PRKN: variants seen among roughly 807,000 people sequenced by gnomAD.
PRKN encodes the protein E3 ubiquitin-protein ligase parkin.
Under a neutral mutation model 59.5 loss-of-function variants are expected in PRKN, and 56 were observed. That is an observed-to-expected ratio of 0.94 (90% CI 0.76 to 1.18). The LOEUF (loss-of-function observed/expected upper bound fraction) is 1.18. Among genes scored for constraint, PRKN ranks in the 50% most tolerant of loss-of-function variants. The probability of loss-of-function intolerance (pLI) is 0.00; values close to 1 mark genes in which losing one functional copy is unlikely to be tolerated. For synonymous variants in PRKN, 250 were observed against 222.1 expected, an observed-to-expected ratio of 1.13 and a Z score of -1.12; for missense variants, 657 against 596.4, an observed-to-expected ratio of 1.10 and a Z score of -1.06.
At chr6:162,645,556 ATT>A (rs1314430855) in intron 1 of PRKN, among the ~76,000 whole-genome samples, 1 of 152,076 alleles carries the variant, frequency 6.6e-6, no homozygotes. Context: ...GATCCTATAA[ATT>A]TTTTGCTGGC....
chr6:162,566,792 G>GT (rs1780102103), intron 1 of PRKN, among the ~76,000 whole-genome samples: 1 of 152,082 alleles, frequency 6.6e-6, no homozygotes, highest in Non-Finnish European at 1.5e-5. Context: ...TACAAGGCCA[G>GT]TATTACTCTG....
chr6:161,826,599 C>T (rs931947489), intron 6 of PRKN, among the ~76,000 whole-genome samples: 11 of 152,184 alleles, frequency 7.2e-5, no homozygotes, highest in Admixed American at 2.0e-4. Flanking sequence ...CCATCTCAGA[C>T]GCAGGACAAG....
chr6:162,699,171 T>C (rs1053321071), intron 1 of PRKN, among the ~76,000 whole-genome samples: 1 of 152,208 alleles, frequency 6.6e-6, no homozygotes, highest in East Asian at 1.9e-4. Flanking sequence ...CAGATACATA[T>C]TGACTATTTG....
intron 6 of PRKN, among the ~76,000 whole-genome samples, chr6:161,826,006 C>T (rs977257174): frequency 1.3e-5 from 2 of 152,180 alleles, no homozygotes; most frequent in Non-Finnish European, 2.9e-5. Context: ...CCCGGGCTTC[C>T]ACCTTCCAAA....
chr6:161,398,049 T>A (rs1265355033), intron 9 of PRKN, among the ~76,000 whole-genome samples: 1 of 152,022 alleles, frequency 6.6e-6, no homozygotes, highest in Non-Finnish European at 1.5e-5. Flanking sequence ...CCAGAGAAAG[T>A]CGAGGCTAGG....
chr6:162,041,805 G>T (rs1053965555), intron 5 of PRKN, among the ~76,000 whole-genome samples: 1 of 152,180 alleles, frequency 6.6e-6, no homozygotes, highest in Non-Finnish European at 1.5e-5. Flanking sequence ...AGACTCCTAA[G>T]TATCTTCTGG....
At chr6:161,898,515 A>T (rs188738238) in intron 6 of PRKN, among the ~76,000 whole-genome samples, 71 of 152,278 alleles carry the variant, frequency 4.7e-4, no homozygotes, top group Middle Eastern at 3.4e-3. Context: ...AGGCACATAC[A>T]ATTTGTGCTC....
At chr6:162,045,228 A>C (rs1784207840) in intron 5 of PRKN, among the ~76,000 whole-genome samples, 1 of 152,208 alleles carries the variant, frequency 6.6e-6, no homozygotes, top group Non-Finnish European at 1.5e-5. Context: ...AATGTGTTAT[A>C]AAAGTTATCT....
rs1490976453 is a variant in PRKN at position 162,010,487 on chromosome 6, AAT to A, written c.619-37072_619-37071del. ...AATATATATTATATAATGTATTTAT[AAT>A]ATATATTATATAATATATTATATTA... On this transcript the variant is annotated intron_variant, in intron 5 of 11. Transcript: ENST00000366898. Among the ~76,000 whole-genome samples the A allele has an allele frequency of 7.0e-5, 4 of 57,538 alleles. 1 individual carries two copies. Among genetic ancestry groups the A allele is most frequent in the South Asian group, 1.1e-3 (2 of 1,742 alleles). The allele number at this position is 57,538 out of a possible 152,430, so 37.7% of individuals were successfully genotyped here.
chr6:162,320,865 TAAC>T (rs1782991589), intron 2 of PRKN, among the ~76,000 whole-genome samples: 2 of 151,894 alleles, frequency 1.3e-5, no homozygotes, highest in Admixed American at 6.6e-5. Flanking sequence ...AGACATAACA[TAAC>T]AAAATTTAGG....
intron 1 of PRKN, among the ~76,000 whole-genome samples, chr6:162,538,562 G>A (rs1427123174): frequency 6.6e-6 from 1 of 152,126 alleles, no homozygotes; most frequent in African/African-American, 2.4e-5. Context: ...TCATCCAGTA[G>A]TCAGTCCTGC....
chr6:161,553,707 C>T (rs962371969), intron 8 of PRKN, among the ~76,000 whole-genome samples: 1 of 149,564 alleles, frequency 6.7e-6, no homozygotes, highest in African/African-American at 2.6e-5. Flanking sequence ...ATATTTGAAT[C>T]TTTTTTTTCA....
intron 1 of PRKN, among the ~76,000 whole-genome samples, chr6:162,696,696 A>G (rs911358351): frequency 6.0e-5 from 9 of 149,748 alleles, no homozygotes; most frequent in African/African-American, 2.2e-4. Context: ...GGTGTGTGCC[A>G]CCATGCCCAG....
In PRKN at chr6:162,462,907, A is replaced by C. The variant is rs144085947; in HGVS notation, c.8-19434T>G. On this transcript the variant is annotated intron_variant, in intron 1 of 11. Coordinates refer to ENST00000366898, the MANE Select transcript of PRKN (RefSeq NM_004562.3). ...TCAGGAGTTCGAGACCAGCCTGGGCAACATGGCAACATCCCATCTCTACTA... is the reference window on the plus strand; with the variant it reads ...TCAGGAGTTCGAGACCAGCCTGGGCCACATGGCAACATCCCATCTCTACTA... Among the ~76,000 whole-genome samples the C allele has an allele frequency of 2.4e-3, 368 of 152,212 alleles. 1 individual carries two copies. Among genetic ancestry groups the C allele is most frequent in the African/African-American group, 7.8e-3 (324 of 41,532 alleles).
intron 6 of PRKN, among the ~76,000 whole-genome samples, chr6:161,815,123 G>A (rs975050951): frequency 1.1e-4 from 16 of 152,200 alleles, no homozygotes; most frequent in Admixed American, 7.2e-4. Flanking sequence ...ATTCATTGCT[G>A]CAGCCAGGTA....
In PRKN at chr6:161,353,767, C is replaced by A. The variant is rs1409744908; in HGVS notation, c.1286-3556G>T. Among the ~76,000 whole-genome samples, 1 of 152,180 alleles carries A rather than the reference C, an allele frequency of 6.6e-6. No individual in the cohort carries two copies. The highest frequency in any genetic ancestry group is 1.5e-5 in the Non-Finnish European group (1 of 68,042). ...CGATCAGAACTTCCGGAAGCCCAGA[C>A]TTGAGACCGGTGAGTGGCAGTCCTG... On this transcript the variant is annotated intron_variant, in intron 11 of 11. Transcript: ENST00000366898. The surrounding 1 kb of genome is among the most constrained non-coding windows in gnomAD (Gnocchi z 4.8).
Position 162,139,877 on chromosome 6 carries a change from C to T in PRKN, c.534+61254G>A, listed in dbSNP as rs112480219. On this transcript the variant is annotated intron_variant, in intron 4 of 11. Transcript: ENST00000366898. ...TTTAAACATTATGAACCTGACAGAG[C>T]GAGACTCCATCTCAAAAAAAAAAAA... Among the ~76,000 whole-genome samples, 47 of 141,778 alleles carry T rather than the reference C, an allele frequency of 3.3e-4. 1 individual carries two copies. Among genetic ancestry groups the T allele is most frequent in the Middle Eastern group, 3.5e-3 (1 of 284 alleles). 93.0% of individuals were successfully genotyped at this position (141,778 alleles called of 152,430 possible). A position where few individuals can be genotyped will look rare whatever the true frequency, so the allele number is the denominator to read the frequency against.
intron 7 of PRKN, among the ~76,000 whole-genome samples, chr6:161,651,790 T>G (rs537174464): frequency 6.6e-6 from 1 of 152,300 alleles, no homozygotes; most frequent in South Asian, 2.1e-4. Flanking sequence ...TTCAGATGTC[T>G]CTATATACTG....
At chr6:162,235,989 G>GAA (rs11442984) in intron 3 of PRKN, among the ~76,000 whole-genome samples, 1 of 131,424 alleles carries the variant, frequency 7.6e-6, no homozygotes, top group Non-Finnish European at 1.6e-5. Flanking sequence ...AAGAAAGAAA[G>GAA]AAAGAAAGAA....
Sources: allele counts gnomAD v4.1 joint callset (sites outside exome capture counted in the v4.1 genomes callset), GRCh38; gene constraint gnomAD v4.1.1; non-coding constraint Gnocchi (gnomAD v3.1); transcripts MANE v1.5; gene names NCBI Gene and HGNC (gene_info 2026-07-23, HGNC 2026-07-21).